ZNF469: variants seen among roughly 807,000 people sequenced by gnomAD.
The protein encoded by ZNF469 is zinc finger protein 469.
A neutral mutation model predicts 1.0 loss-of-function variants in ZNF469; 1 was observed. The ratio of observed to expected loss-of-function variants is 1.00; its 90% CI spans 0.35 to 4.73. ZNF469 has a LOEUF of 4.73. ZNF469 is among the 30% of genes most tolerant of loss of function. The pLI, the probability that ZNF469 is intolerant of heterozygous loss-of-function variation, is 0.16. For missense variants in ZNF469, 6,100 were observed against 5,356.3 expected (o/e 1.14, Z -4.33); for synonymous variants, 2,703 against 2,363.4 (o/e 1.14, Z -4.17).
the ZNF469 span, among the ~76,000 whole-genome samples, chr16:88,218,958 T>C: frequency 7.1e-6 from 1 of 139,986 alleles, no homozygotes; most frequent in Non-Finnish European, 1.5e-5. Context: ...ATCACAAGCA[T>C]TCTTATACAC....
At chr16:88,329,775 G>A in the ZNF469 span, among the ~76,000 whole-genome samples, 3 of 152,238 alleles carry the variant, frequency 2.0e-5, no homozygotes, top group Non-Finnish European at 4.4e-5. Context: ...ACATGGGGTT[G>A]GGGGCAGCAA....
chr16:88,231,659 A>T, the ZNF469 span, among the ~76,000 whole-genome samples: 1 of 150,844 alleles, frequency 6.6e-6, no homozygotes, highest in Non-Finnish European at 1.5e-5. The surrounding 1 kb of genome is among the most constrained non-coding windows in gnomAD (Gnocchi z 4.5). Flanking sequence ...GCCTCTTTCC[A>T]TTTCTCTCTG....
At chr16:88,198,393 G>A in the ZNF469 span, among the ~76,000 whole-genome samples, 1 of 152,198 alleles carries the variant, frequency 6.6e-6, no homozygotes, top group Non-Finnish European at 1.5e-5. Flanking sequence ...CCGGTGGGGG[G>A]CTGGGCAGAG....
the ZNF469 span, among the ~76,000 whole-genome samples, chr16:88,373,724 C>T: frequency 6.6e-5 from 10 of 152,260 alleles, 1 homozygote; most frequent in Admixed American, 3.9e-4. Flanking sequence ...CGGCAGGGTG[C>T]GGTGGCTCAC....
At chr16:88,306,580 C>T in the ZNF469 span, among the ~76,000 whole-genome samples, 1 of 152,214 alleles carries the variant, frequency 6.6e-6, no homozygotes, top group Non-Finnish European at 1.5e-5. Context: ...ACTGGGGCCA[C>T]CAGCACCAAC....
the ZNF469 span, among the ~76,000 whole-genome samples, chr16:88,157,684 G>A: frequency 6.6e-6 from 1 of 152,178 alleles, no homozygotes; most frequent in African/African-American, 2.4e-5. Context: ...TGGGGCTGGT[G>A]AAGAAATGCC....
chr16:88,390,220 G>C (rs1009004645), intron 1 of ZNF469, among the ~76,000 whole-genome samples: 1 of 152,204 alleles, frequency 6.6e-6, no homozygotes, highest in African/African-American at 2.4e-5. Flanking sequence ...GCTCAGGCCT[G>C]TCTCACAGTG....
chr16:88,372,272 CCAT>C, the ZNF469 span, among the ~76,000 whole-genome samples: 1 of 152,196 alleles, frequency 6.6e-6, no homozygotes. Flanking sequence ...GTCACCATCA[CCAT>C]CATCACCATC....
chr16:88,349,143 C>T, the ZNF469 span, among the ~76,000 whole-genome samples: 1 of 151,454 alleles, frequency 6.6e-6, no homozygotes, highest in African/African-American at 2.5e-5. Context: ...AGCAGCCACT[C>T]GTCCCCCCTC....
chr16:88,352,290 G>A, the ZNF469 span, among the ~76,000 whole-genome samples: 1 of 152,208 alleles, frequency 6.6e-6, no homozygotes, highest in Non-Finnish European at 1.5e-5. Context: ...AATTTTAGGA[G>A]TATGTATTTT....
At chr16:88,321,170 C>T in the ZNF469 span, among the ~76,000 whole-genome samples, 10 of 152,372 alleles carry the variant, frequency 6.6e-5, no homozygotes, top group African/African-American at 1.9e-4. Flanking sequence ...CTGGGCGAGG[C>T]GCCAAGGGGA....
At chr16:88,243,911 C>CATATATATATATATATATAT in the ZNF469 span, among the ~76,000 whole-genome samples, 2 of 26,278 alleles carry the variant, frequency 7.6e-5, no homozygotes, top group African/African-American at 1.6e-4. Context: ...TGGCTGGATG[C>CATATATATATATATATATAT]ATATATATAT....
chr16:88,227,032 C>T, the ZNF469 span, among the ~76,000 whole-genome samples: 5 of 143,774 alleles, frequency 3.5e-5, no homozygotes, highest in African/African-American at 1.3e-4. Flanking sequence ...CTGCGCGTTT[C>T]CACCCGTGCC....
chr16:88,103,765 G>A, the ZNF469 span, among the ~76,000 whole-genome samples: 2 of 149,026 alleles, frequency 1.3e-5, no homozygotes, highest in East Asian at 3.9e-4. Context: ...GCACGGGGGT[G>A]GGTGGAATAA....
chr16:88,144,970 C>A, the ZNF469 span, among the ~76,000 whole-genome samples: 1 of 151,958 alleles, frequency 6.6e-6, no homozygotes, highest in Non-Finnish European at 1.5e-5. Context: ...AAGCCTCAGC[C>A]TCCTGAGTAG....
the ZNF469 span, among the ~76,000 whole-genome samples, chr16:88,201,887 C>T: frequency 9.1e-4 from 139 of 152,324 alleles, no homozygotes; most frequent in East Asian, 0.017. This position sits in a 1 kb window ranked among gnomAD's most constrained non-coding sequence, Gnocchi z 5.0. Flanking sequence ...AACTGTGATT[C>T]GATAACCCAC....
At chr16:88,324,621 C>T in the ZNF469 span, among the ~76,000 whole-genome samples, 31,332 of 152,232 alleles carry the variant, frequency 0.21, 4,193 homozygotes, top group Middle Eastern at 0.33. Flanking sequence ...AGGGCTAACC[C>T]ACAGGGAGTG....
the ZNF469 span, among the ~76,000 whole-genome samples, chr16:88,374,326 C>T: frequency 6.6e-6 from 1 of 152,144 alleles, no homozygotes; most frequent in African/African-American, 2.4e-5. Flanking sequence ...TGCTAGCTGG[C>T]AAAGCTGGCA....
the ZNF469 span, among the ~76,000 whole-genome samples, chr16:88,206,006 C>T: frequency 6.6e-6 from 1 of 152,162 alleles, no homozygotes; most frequent in East Asian, 1.9e-4. Context: ...TGAGCCCCCA[C>T]CCCGGGTGGC....
Sources: gnomAD v4.1 joint callset for allele counts (sites outside exome capture counted in the v4.1 genomes callset) on GRCh38, gnomAD v4.1.1 for gene constraint, Gnocchi (gnomAD v3.1) non-coding constraint, MANE v1.5 for transcripts, NCBI Gene and HGNC (gene_info 2026-07-23, HGNC 2026-07-21) for gene names.